Variants in RSRC1 observed in about 807,000 individuals in gnomAD.
The protein encoded by RSRC1 is serine/Arginine-related protein 53.
A neutral mutation model predicts 49.1 loss-of-function variants in RSRC1; 39 were observed. That is an observed-to-expected ratio of 0.79 (90% confidence interval 0.61 to 1.04). RSRC1 has a LOEUF of 1.04. Ranked by LOEUF, RSRC1 falls within the 50% of genes least tolerant of loss-of-function variation. RSRC1 has a pLI of 0.00. For missense variants in RSRC1, 388 were observed against 402.4 expected, an observed-to-expected ratio of 0.96 and a Z score of 0.31; for synonymous variants, 143 against 130.8, an observed-to-expected ratio of 1.09 and a Z score of -0.63.
chr3:158,381,423 C>T (rs1732689070), intron 6 of RSRC1, among the ~76,000 whole-genome samples: 1 of 152,210 alleles, frequency 6.6e-6, no homozygotes, highest in Admixed American at 6.5e-5. Flanking sequence ...AAGAAGTGAT[C>T]TCTCGCAGTT....
At chr3:158,210,497 A>G (rs151284272) in intron 4 of RSRC1, among the ~76,000 whole-genome samples, 48 of 151,284 alleles carry the variant, frequency 3.2e-4, no homozygotes, top group African/African-American at 1.1e-3. Flanking sequence ...AAAAAGCTTC[A>G]TACCGTCAAT....
At chr3:158,241,669 G>A (rs1723588020) in intron 4 of RSRC1, among the ~76,000 whole-genome samples, 1 of 151,942 alleles carries the variant, frequency 6.6e-6, no homozygotes, top group South Asian at 2.1e-4. Context: ...TGTATCATTT[G>A]CAATAAAAGA....
chr3:158,476,331 A>G (rs1738366333), intron 7 of RSRC1, among the ~76,000 whole-genome samples: 1 of 152,212 alleles, frequency 6.6e-6, no homozygotes, highest in Admixed American at 6.5e-5. Flanking sequence ...CAGCTATGCT[A>G]AACAACAGAT....
chr3:158,119,294 G>T (rs966557217), intron 1 of RSRC1, among the ~76,000 whole-genome samples: 4 of 152,052 alleles, frequency 2.6e-5, no homozygotes, highest in Non-Finnish European at 2.9e-5. Flanking sequence ...CTCTACAGTT[G>T]CCTGATAATA....
chr3:158,518,572 A>G (rs1560074043), intron 7 of RSRC1, among the ~76,000 whole-genome samples: 1 of 152,062 alleles, frequency 6.6e-6, no homozygotes, highest in African/African-American at 2.4e-5. Context: ...AATTTATCAT[A>G]TATCCATATC....
intron 3 of RSRC1, among the ~76,000 whole-genome samples, chr3:158,177,135 G>C (rs1270974266): frequency 6.6e-6 from 1 of 152,118 alleles, no homozygotes. Flanking sequence ...TAAAAAGTCA[G>C]GAAACAACAA....
chr3:158,233,346 CTT>C (rs947325317), intron 4 of RSRC1, among the ~76,000 whole-genome samples: 1 of 152,034 alleles, frequency 6.6e-6, no homozygotes, highest in Non-Finnish European at 1.5e-5. Flanking sequence ...TGTGGTTACT[CTT>C]AGATATTTTC....
At chr3:158,268,253 G>C (rs1392290378) in intron 4 of RSRC1, among the ~76,000 whole-genome samples, 2 of 152,008 alleles carry the variant, frequency 1.3e-5, no homozygotes, top group Non-Finnish European at 2.9e-5. Context: ...GCACATATTT[G>C]GTTAATACAC....
chr3:158,399,124 T>C (rs1238974180), intron 6 of RSRC1, among the ~76,000 whole-genome samples: 1 of 3,630 alleles, frequency 2.8e-4, no homozygotes, highest in African/African-American at 2.6e-3. Context: ...TATTATTTCC[T>C]TTTTTTTTTT....
intron 6 of RSRC1, among the ~76,000 whole-genome samples, chr3:158,387,215 G>A (rs887757617): frequency 6.6e-6 from 1 of 152,002 alleles, no homozygotes; most frequent in Non-Finnish European, 1.5e-5. Flanking sequence ...AGTACTACAG[G>A]CAATTAAGAG....
At chr3:158,513,752 G>T (rs1339026707) in intron 7 of RSRC1, among the ~76,000 whole-genome samples, 4 of 152,146 alleles carry the variant, frequency 2.6e-5, no homozygotes, top group African/African-American at 9.6e-5. Flanking sequence ...TCTGGTCCTG[G>T]ACTCTTTGGT....
At chr3:158,302,252 T>G (rs1479701369) in intron 5 of RSRC1, among the ~76,000 whole-genome samples, 2 of 152,110 alleles carry the variant, frequency 1.3e-5, no homozygotes, top group Admixed American at 1.3e-4. Context: ...AGGTAGCACA[T>G]GCTTCACGTG....
chr3:158,486,322 C>G (rs1738819096), intron 7 of RSRC1, among the ~76,000 whole-genome samples: 1 of 152,142 alleles, frequency 6.6e-6, no homozygotes, highest in African/African-American at 2.4e-5. Flanking sequence ...AACTGGATCA[C>G]TGCCTTGCTA....
chr3:158,348,578 T>A (rs1257679657), intron 5 of RSRC1, among the ~76,000 whole-genome samples: 1 of 142,272 alleles, frequency 7.0e-6, no homozygotes, highest in South Asian at 2.2e-4. Flanking sequence ...TTTTTTAAAT[T>A]ATTTTATTTT....
chr3:158,438,365 A>G (rs1350523131), intron 6 of RSRC1, among the ~76,000 whole-genome samples: 1 of 152,194 alleles, frequency 6.6e-6, no homozygotes, highest in African/African-American at 2.4e-5. Flanking sequence ...AGCCAAGACA[A>G]TCCTAAGCAA....
rs112617955 is a variant in RSRC1 at position 158,291,783 on chromosome 3, G to A, written c.495-6256G>A. Among the ~76,000 whole-genome samples the A allele has an allele frequency of 9.1e-3, 1,379 of 152,190 alleles. 22 individuals carry two copies. The highest frequency in any genetic ancestry group is 0.032 in the African/African-American group (1,328 of 41,526). On this transcript the variant is annotated intron_variant, in intron 4 of 9. Coordinates refer to ENST00000611884, the MANE Select transcript of RSRC1 (RefSeq NM_001271838.2). The stretch of plus-strand genomic sequence containing the variant: ...TACTAAAAAACCTGAATATTCATTG[G>A]TATGATTGATACTGTTCTTCTGTTT...
chr3:158,264,055 T>A (rs1725038045), intron 4 of RSRC1, among the ~76,000 whole-genome samples: 1 of 152,118 alleles, frequency 6.6e-6, no homozygotes, highest in Non-Finnish European at 1.5e-5. Flanking sequence ...TTTGAACTGT[T>A]TTATTTTTCT....
chr3:158,515,535 T>G (rs1314269986), intron 7 of RSRC1, among the ~76,000 whole-genome samples: 1 of 136,228 alleles, frequency 7.3e-6, no homozygotes, highest in Admixed American at 7.5e-5. Flanking sequence ...CTTAACATTT[T>G]TTCCTTCATT....
At chr3:158,389,512 A>G (rs1328400173) in intron 6 of RSRC1, among the ~76,000 whole-genome samples, 1 of 152,224 alleles carries the variant, frequency 6.6e-6, no homozygotes, top group Non-Finnish European at 1.5e-5. Context: ...AGTGCAGATT[A>G]ATACAGTTGT....
Sources: gnomAD v4.1 joint callset for allele counts (sites outside exome capture counted in the v4.1 genomes callset) on GRCh38, gnomAD v4.1.1 for gene constraint, MANE v1.5 for transcripts, NCBI Gene and HGNC (gene_info 2026-07-23, HGNC 2026-07-21) for gene names.